Variants in TERT observed in about 807,000 individuals in gnomAD.
TERT encodes the protein telomerase reverse transcriptase.
TERT carries 42 observed loss-of-function variants against 104.0 expected under a neutral mutation model. The observed-to-expected ratio is 0.40, with a 90% CI of 0.32 to 0.52. The LOEUF (loss-of-function observed/expected upper bound fraction) is 0.52. TERT is among the 20% of genes least tolerant of loss of function. The pLI is 0.43. For missense variants in TERT, 1,101 were observed against 1,610.3 expected, an observed-to-expected ratio of 0.68 and a Z score of 5.41; for synonymous variants, 781 against 725.6, an observed-to-expected ratio of 1.08 and a Z score of -1.23.
chr5:1,279,381 C>A lies in TERT; in HGVS notation c.2040G>T (p.Val680=). 1 of 1,562,158 alleles carries A rather than the reference C, an allele frequency of 6.4e-7. No individual in the cohort carries two copies. The highest frequency in any genetic ancestry group is 8.7e-7 in the Non-Finnish European group (1 of 1,155,250). ...CCCTGTGGATATCGTCCAGGCCCAGCACAGAGGCGCCCAGGAGGCCGGGGC... is the reference window on the plus strand; with the variant it reads ...CCCTGTGGATATCGTCCAGGCCCAGAACAGAGGCGCCCAGGAGGCCGGGGC... ...ARRPGLLGAS[V]LGLDDIHRAW... is the part of the protein sequence containing the mutation. Residue 680 remains valine (V), a synonymous_variant, in exon 5 of 16, where the codon GTG becomes GTT. Transcript: ENST00000310581.
intron 3 of TERT, among the ~76,000 whole-genome samples, chr5:1,280,974 C>T (rs894200719): frequency 4.6e-5 from 7 of 152,202 alleles, no homozygotes; most frequent in Non-Finnish European, 8.8e-5. Context: ...GCGGGTGCTC[C>T]GGAGCTGGTG....
In TERT at chr5:1,294,996, G is replaced by C. The variant is rs1191665239; in HGVS notation, c.-7C>G. On this transcript the variant is annotated 5_prime_UTR_variant, in exon 1 of 16. Transcript: ENST00000310581. ...AGCGGGGAGCGCGCGGCATCGCGGG[G>C]GTGGCCGGGGCCAGGGCTTCCCACG... 2.3e-6 allele frequency: 3 copies of C among 1,315,366 alleles called. No individual in the cohort carries two copies. The highest frequency in any genetic ancestry group is 3.1e-5 in the East Asian group (1 of 32,346). The allele number at this position is 1,315,366 out of a possible 1,614,324, so 81.5% of individuals were successfully genotyped here.
Position 1,255,554 on chromosome 5 carries a change from G to A in TERT, c.3033-143C>T, listed in dbSNP as rs918524702. ...CTCATGGGCACAGGTGCACACACAC[G>A]GATGCATGCATGCATGTCTGTGTGT... On this transcript the variant is annotated intron_variant, in intron 13 of 15. Transcript: ENST00000310581. This position sits in a 1 kb window ranked among gnomAD's most constrained non-coding sequence, Gnocchi z 6.9. 4.1e-5 allele frequency: 41 copies of A among 996,744 alleles called. No homozygotes were observed. Among genetic ancestry groups the A allele is most frequent in the Admixed American group, 4.1e-4 (21 of 51,720 alleles). 61.7% of individuals were successfully genotyped at this position (996,744 alleles called of 1,614,324 possible). A position where few individuals can be genotyped will look rare whatever the true frequency, so the allele number is the denominator to read the frequency against.
At chr5:1,281,386 G>A (rs1490179927) in intron 3 of TERT, among the ~76,000 whole-genome samples, 2 of 152,152 alleles carry the variant, frequency 1.3e-5, no homozygotes, top group South Asian at 2.1e-4. Flanking sequence ...TGGGGCATGG[G>A]GTGTCACAAG....
intron 3 of TERT, among the ~76,000 whole-genome samples, chr5:1,280,635 G>C (rs568038909): frequency 4.1e-4 from 63 of 152,300 alleles, no homozygotes; most frequent in South Asian, 8.3e-4. Context: ...CTGGTCCCAG[G>C]CTGCATCTGG....
At chr5:1,253,961 G>T in intron 15 of TERT, 130 bp from the exon 16 acceptor site, 1 of 1,002,422 alleles carries the variant, frequency 1.0e-6, no homozygotes, top group African/African-American at 1.6e-5. Flanking sequence ...GAACCTCAGT[G>T]AAGGGACAGA....
At chr5:1,267,805 T>A (rs1350012757) in intron 9 of TERT, among the ~76,000 whole-genome samples, 4 of 151,644 alleles carry the variant, frequency 2.6e-5, no homozygotes, top group Middle Eastern at 3.4e-3. Context: ...GGACACAGGG[T>A]GGGGAACATC....
At chr5:1,266,304 G>C in intron 10 of TERT, 160 bp downstream of exon 10, 1 of 738,900 alleles carries the variant, frequency 1.4e-6, no homozygotes, top group Non-Finnish European at 2.3e-6. Flanking sequence ...CCCAGGCCTG[G>C]GTGCACGGCC....
intron 6 of TERT, among the ~76,000 whole-genome samples, chr5:1,277,606 G>GT (rs1491572970): frequency 3.3e-3 from 14 of 4,296 alleles, no homozygotes; most frequent in South Asian, 5.2e-3. Context: ...GCGGGGATGT[G>GT]GGGGGGGGTC....
chr5:1,279,515 C>T (rs1349562465), intron 4 of TERT, 45 bp from the exon 5 acceptor site: 1 of 1,538,820 alleles, frequency 6.5e-7, no homozygotes, highest in South Asian at 1.2e-5. Flanking sequence ...TGGATCCGGC[C>T]AAGTGCCCAC....
Position 1,294,293 on chromosome 5 carries a change from C to T in TERT, c.593G>A (p.Gly198Glu). 2 of 1,594,406 alleles carry T rather than the reference C, an allele frequency of 1.3e-6. No homozygotes were observed. Among genetic ancestry groups the T allele is most frequent in the Non-Finnish European group, 1.7e-6 (2 of 1,176,662 alleles). The change falls in exon 2 of 16, where the codon GGA becomes GAA. Residue 198 changes from glycine to glutamate, a missense_variant. Around this residue, in one of 5 missense-constraint regions of TERT, gnomAD observed 504 missense variants for 544.6 expected, o/e 0.93. Coordinates refer to ENST00000310581, the MANE Select transcript of TERT (RefSeq NM_198253.3). Reference sequence around the variant, plus strand: ...GCTATGGTTCCAGGCCCGTTCGCATCCCAGACGCCTTCGGGGTCCACTAGC... The same window carrying T: ...GCTATGGTTCCAGGCCCGTTCGCATTCCAGACGCCTTCGGGGTCCACTAGC... The part of the protein sequence containing the change: ...PHASGPRRRL[G>E]CERAWNHSVR...
At chr5:1,279,526 C>T in intron 4 of TERT, 56 bp from the exon 5 acceptor site, 1 of 1,526,268 alleles carries the variant, frequency 6.6e-7, no homozygotes, top group Non-Finnish European at 8.9e-7. Flanking sequence ...AAGTGCCCAC[C>T]CCACCATAGG....
intron 3 of TERT, among the ~76,000 whole-genome samples, chr5:1,281,695 A>G (rs1750031732): frequency 6.6e-6 from 1 of 151,906 alleles, no homozygotes; most frequent in South Asian, 2.1e-4. Flanking sequence ...TGCTCCCTGC[A>G]CAGGTGCTCC....
Position 1,288,671 on chromosome 5 carries a change from C to T in TERT, c.1573+4642G>A, listed in dbSNP as rs59206757. Among the ~76,000 whole-genome samples the T allele has an allele frequency of 1.3e-5, 2 of 152,148 alleles. No homozygotes were observed. The highest frequency in any genetic ancestry group is 3.9e-4 in the East Asian group (2 of 5,176). On this transcript the variant is annotated intron_variant, in intron 2 of 15. Coordinates refer to ENST00000310581, the MANE Select transcript of TERT (RefSeq NM_198253.3). This position sits in a 1 kb window ranked among gnomAD's most constrained non-coding sequence, Gnocchi z 5.3. ...GAGGGGGCTGGGGTGACTTGCTTTC[C>T]TTCAGGGCACAGAGAACCCTTTCTG...
chr5:1,255,875 G>A lies in TERT; in HGVS notation c.3033-464C>T, dbSNP rs926306055. Among the ~76,000 whole-genome samples, 2 of 151,952 alleles carry A rather than the reference G, an allele frequency of 1.3e-5. No homozygotes were observed. The highest frequency in any genetic ancestry group is 2.9e-5 in the Non-Finnish European group (2 of 68,000). On this transcript the variant is annotated intron_variant, in intron 13 of 15. Transcript: ENST00000310581. This position sits in a 1 kb window ranked among gnomAD's most constrained non-coding sequence, Gnocchi z 6.9. Reference sequence around the variant, plus strand: ...CCCTTCTGAGCCACCCGCCCCTGTGGTGCATAAACCCTGGGTCTGGGGTGA... The same window carrying A: ...CCCTTCTGAGCCACCCGCCCCTGTGATGCATAAACCCTGGGTCTGGGGTGA...
rs367672336 is a variant in TERT at position 1,264,475 on chromosome 5, G to A, written c.2772C>T (p.Ala924=). 1.2e-6 allele frequency: 2 copies of A among 1,613,746 alleles called. No individual in the cohort carries two copies. Among genetic ancestry groups the A allele is most frequent in the Non-Finnish European group, 1.7e-6 (2 of 1,180,042 alleles). The change falls in exon 11 of 16, where the codon GCC becomes GCT. Residue 924 remains alanine (A), a synonymous_variant. Transcript: ENST00000310581. The stretch of plus-strand genomic sequence containing the variant: ...GGCCGCACCAGGGGAATAGGCCGTG[G>A]GCCGGCATCTGAACAAAAGCCGTGC... The part of the protein sequence containing the change: ...LGGTAFVQMP[A]HGLFPWCGLL...
rs1351784774 is a variant in TERT, at chr5:1,292,308, T to C, written c.1573+1005A>G. Among the ~76,000 whole-genome samples the C allele has an allele frequency of 2.0e-5, 3 of 151,676 alleles. No homozygotes were observed. The highest frequency in any genetic ancestry group is 4.4e-5 in the Non-Finnish European group (3 of 67,938). On this transcript the variant is annotated intron_variant, in intron 2 of 15. Transcript: ENST00000310581. The surrounding 1 kb of genome is among the most constrained non-coding windows in gnomAD (Gnocchi z 5.5). ...GGAGCGGAGGTTCCTCAACATCAAA[T>C]CCAGAAAAACAGGGTGGGGACACGG...
chr5:1,278,027 A>G (rs1477262287), intron 6 of TERT, among the ~76,000 whole-genome samples: 2 of 152,066 alleles, frequency 1.3e-5, no homozygotes, highest in African/African-American at 2.4e-5. Flanking sequence ...CAGCCTTCCT[A>G]TATCTCATGG....
intron 12 of TERT, among the ~76,000 whole-genome samples, chr5:1,259,443 A>G (rs1332323136): frequency 2.7e-5 from 3 of 110,626 alleles, no homozygotes; most frequent in African/African-American, 7.2e-5. Context: ...CACAGGAGAG[A>G]GGGAGCGGAC....
Sources: gnomAD v4.1 joint callset for allele counts (sites outside exome capture counted in the v4.1 genomes callset) on GRCh38, gnomAD v4.1.1 for gene constraint, gnomAD v4.1.1 regional missense constraint, Gnocchi (gnomAD v3.1) non-coding constraint, MANE v1.5 for transcripts, NCBI Gene and HGNC (gene_info 2026-07-23, HGNC 2026-07-21) for gene names.